Variants in CCNB2 observed in about 807,000 individuals in gnomAD.
CCNB2 encodes the protein G2/mitotic-specific cyclin-B2.
Under a neutral mutation model 51.1 loss-of-function variants are expected in CCNB2, and 39 were observed. The observed-to-expected ratio is 0.76, with a 90% CI of 0.59 to 1.00. The LOEUF (loss-of-function observed/expected upper bound fraction) is 1.00, where lower values mean the gene tolerates loss of function less well. Ranked by LOEUF, CCNB2 falls within the 50% of genes least tolerant of loss-of-function variation. The pLI is 0.00. For missense variants in CCNB2, 472 were observed against 470.3 expected (o/e 1.00, Z -0.03); for synonymous variants, 174 against 165.5 (o/e 1.05, Z -0.40).
chr15:59,108,690 A>G (rs1314124761), intron 3 of CCNB2, among the ~76,000 whole-genome samples: 1 of 152,194 alleles, frequency 6.6e-6, no homozygotes, highest in Non-Finnish European at 1.5e-5. Context: ...TAGCTTTGGT[A>G]AAGGTATCCT....
At chr15:59,107,487 C>T (rs781139213) in intron 2 of CCNB2, 37 bp downstream of exon 2, 10 of 1,613,068 alleles carry the variant, frequency 6.2e-6, no homozygotes, top group South Asian at 2.2e-5. Context: ...ATACAGAGGC[C>T]GATTCTGTAT....
intron 3 of CCNB2, among the ~76,000 whole-genome samples, chr15:59,111,790 AT>A (rs1345547696): frequency 6.7e-6 from 1 of 148,752 alleles, no homozygotes; most frequent in African/African-American, 2.5e-5. Context: ...ACCTCTACTC[AT>A]TTGTTCTAGC....
At chr15:59,107,527 T>TG in intron 2 of CCNB2, 30 bp from the exon 3 acceptor site, 1 of 1,613,782 alleles carries the variant, frequency 6.2e-7, no homozygotes, top group Non-Finnish European at 8.5e-7. Context: ...CTGGCTGTCT[T>TG]GCGCTATTCA....
In CCNB2 at chr15:59,116,827, A is replaced by C; in HGVS notation, c.735A>C (p.Gln245His). 1 of 1,614,160 alleles carries C rather than the reference A, an allele frequency of 6.2e-7. No individual in the cohort carries two copies. Reference sequence around the variant, plus strand: ...CAGACAATGCTTATACCAGTTCCCAAATCCGAGAAATGGAAACTCTAATTT... The same window carrying C: ...CAGACAATGCTTATACCAGTTCCCACATCCGAGAAATGGAAACTCTAATTT... ...YITDNAYTSS[Q>H]IREMETLILK... Residue 245 changes from glutamine (Q) to histidine (H), a missense_variant, in exon 6 of 9, where the codon CAA (glutamine) becomes CAC (histidine). Physicochemically the swap from Gln to His is conservative, Grantham distance 24 (BLOSUM62 0). Transcript: ENST00000288207.
chr15:59,111,933 G>A (rs938746026), intron 3 of CCNB2, among the ~76,000 whole-genome samples: 1 of 149,544 alleles, frequency 6.7e-6, no homozygotes, highest in Non-Finnish European at 1.5e-5. Context: ...GGTCACTGCA[G>A]TTTTGATCTC....
At chr15:59,123,683 G>A in intron 8 of CCNB2, 56 bp downstream of exon 8, 1 of 856,252 alleles carries the variant, frequency 1.2e-6, no homozygotes, top group Non-Finnish European at 1.9e-6. Flanking sequence ...GGTTTTGTGT[G>A]TATGTTGGGC....
At chr15:59,124,108 G>A in intron 8 of CCNB2, 1 of 165,618 alleles carries the variant, frequency 6.0e-6, no homozygotes, top group Admixed American at 5.6e-5. Context: ...TGGTTAAGAG[G>A]GAAGAGGCCC....
chr15:59,117,217 T>G lies in CCNB2; in HGVS notation c.835-11T>G, dbSNP rs2079282824. On this transcript the variant is annotated splice_polypyrimidine_tract_variant and intron_variant, in intron 6 of 8. Transcript: ENST00000288207. The stretch of plus-strand genomic sequence containing the variant: ...TTGTGATTCTTACTATCCCTTGCTG[T>G]TCTTTCTTAGGTTGATGTTGAACAG... 1 of 1,610,590 alleles carries G rather than the reference T, an allele frequency of 6.2e-7. No individual in the cohort carries two copies. Among genetic ancestry groups the G allele is most frequent in the Non-Finnish European group, 8.5e-7 (1 of 1,178,682 alleles).
intron 7 of CCNB2, among the ~76,000 whole-genome samples, chr15:59,119,887 T>C (rs2079295186): frequency 6.6e-6 from 1 of 152,090 alleles, no homozygotes; most frequent in South Asian, 2.1e-4. Flanking sequence ...TAAAGTTTTT[T>C]TGTAGAGATT....
intron 3 of CCNB2, among the ~76,000 whole-genome samples, chr15:59,112,964 G>A (rs1294185728): frequency 6.6e-6 from 1 of 151,684 alleles, no homozygotes; most frequent in Non-Finnish European, 1.5e-5. Context: ...AACCCGGGAG[G>A]CGGAGCTTGC....
rs781735062 is a variant in CCNB2, at chr15:59,105,226, C to G, written c.-43C>G. 1.3e-6 allele frequency: 2 copies of G among 1,549,150 alleles called. No homozygotes were observed. Among genetic ancestry groups the G allele is most frequent in the East Asian group, 4.8e-5 (2 of 41,266 alleles). The stretch of plus-strand genomic sequence containing the variant: ...AGTGTCCTCCCTTTTCAGTCCGCGT[C>G]CCTCCCTGGGCCGGGCTGGCACTCT... On this transcript the variant is annotated 5_prime_UTR_variant, in exon 1 of 9. Coordinates refer to ENST00000288207, the MANE Select transcript of CCNB2 (RefSeq NM_004701.4).
chr15:59,118,033 A>G (rs1279010029), intron 7 of CCNB2, among the ~76,000 whole-genome samples: 1 of 152,232 alleles, frequency 6.6e-6, no homozygotes, highest in Non-Finnish European at 1.5e-5. Flanking sequence ...AGAGTTGTAC[A>G]GAATGAGGAA....
At chr15:59,116,016 G>A (rs1348226480) in intron 5 of CCNB2, 5 of 152,242 alleles carry the variant, frequency 3.3e-5, no homozygotes, top group African/African-American at 4.8e-5. Flanking sequence ...ATAGGCATGA[G>A]CCACTGTGCC....
intron 1 of CCNB2, among the ~76,000 whole-genome samples, chr15:59,105,505 C>T (rs1484279044): frequency 1.3e-5 from 2 of 152,262 alleles, no homozygotes; most frequent in East Asian, 3.8e-4. Context: ...TAACCCCTCC[C>T]TGCCCCGGGG....
chr15:59,107,768 A>C, intron 3 of CCNB2, 98 bp downstream of exon 3: 2 of 829,818 alleles, frequency 2.4e-6, no homozygotes, highest in Non-Finnish European at 3.9e-6. Flanking sequence ...TCTAACGAAC[A>C]TTCATAGCTG....
In CCNB2 at chr15:59,116,640, C is replaced by G. The variant is rs921186021; in HGVS notation, c.598-50C>G. 6 of 1,303,358 alleles carry G rather than the reference C, an allele frequency of 4.6e-6. No homozygotes were observed. In the African/African-American group the frequency reaches 9.0e-5, roughly 20 times the overall value. 80.7% of individuals were successfully genotyped at this position (1,303,358 alleles called of 1,614,324 possible). On this transcript the variant is annotated intron_variant, in intron 5 of 8. Coordinates refer to ENST00000288207, the MANE Select transcript of CCNB2 (RefSeq NM_004701.4). The stretch of plus-strand genomic sequence containing the variant: ...TCCTTTCCCCTTCTCCCACCTAAAG[C>G]TTCACTCTTCTTGTTAGGTGTGACT...
In CCNB2 at chr15:59,123,591, T is replaced by C. The variant is rs1208773224; in HGVS notation, c.1050T>C (p.Asn350=). Residue 350 remains asparagine, a synonymous_variant, in exon 8 of 9, where the codon AAT becomes AAC. Coordinates refer to ENST00000288207, the MANE Select transcript of CCNB2 (RefSeq NM_004701.4). The part of the protein sequence containing the change: ...VLEVMQHMAK[N]VVKVNENLTK... ...AAGTCATGCAGCACATGGCCAAGAA[T>C]GTGGTGAAAGTAAATGAAAACTTAA... 1 of 1,611,636 alleles carries C rather than the reference T, an allele frequency of 6.2e-7. No individual in the cohort carries two copies. Among genetic ancestry groups the C allele is most frequent in the Non-Finnish European group, 8.5e-7 (1 of 1,178,682 alleles).
intron 8 of CCNB2, 65 bp downstream of exon 8, chr15:59,123,692 G>C: frequency 1.3e-6 from 1 of 782,602 alleles, no homozygotes; most frequent in Non-Finnish European, 2.1e-6. Flanking sequence ...TGTATGTTGG[G>C]CGGGGGGGGG....
In CCNB2 at chr15:59,116,746, G is replaced by C. The variant is rs1434276500; in HGVS notation, c.654G>C (p.Leu218Phe). 21 of 1,613,066 alleles carry C rather than the reference G, an allele frequency of 1.3e-5. No homozygotes were observed. The highest frequency in any genetic ancestry group is 2.2e-5 in the East Asian group (1 of 44,894). The change falls in exon 6 of 9, where the codon TTG becomes TTC. Residue 218 changes from leucine (L) to phenylalanine (F), a missense_variant. Physicochemically the swap from Leu to Phe is conservative, Grantham distance 22 (BLOSUM62 0). Transcript: ENST00000288207. ...LQLVGITALL[L>F]ASKYEEMFSP... The stretch of plus-strand genomic sequence containing the variant: ...TAGTTGGGATTACTGCTCTGCTCTT[G>C]GCTTCCAAGTATGAGGAGATGTTTT...
Sources: allele counts gnomAD v4.1 joint callset (sites outside exome capture counted in the v4.1 genomes callset), GRCh38; gene constraint gnomAD v4.1.1; transcripts MANE v1.5; gene names NCBI Gene and HGNC (gene_info 2026-07-23, HGNC 2026-07-21).